The following DNAH11 variants were observed in gnomAD, a reference collection of about 807,000 sequenced individuals.
DNAH11 encodes the protein dynein axonemal heavy chain 11.
DNAH11 carries 442 observed loss-of-function variants against 526.0 expected under a neutral mutation model. The observed-to-expected ratio is 0.84, with a 90% confidence interval of 0.78 to 0.91. The LOEUF is 0.91. Ranked by LOEUF, DNAH11 falls within the 40% of genes least tolerant of loss-of-function variation. The pLI is 0.00. For missense variants in DNAH11, 6,989 were observed against 5,448.7 expected (o/e 1.28, Z -8.90); for synonymous variants, 2,461 against 1,935.9 (o/e 1.27, Z -7.12).
intron 30 of DNAH11, among the ~76,000 whole-genome samples, chr7:21,676,526 GAGAAGGTTTA>G (rs1404209576): frequency 6.6e-6 from 1 of 152,192 alleles, no homozygotes; most frequent in Non-Finnish European, 1.5e-5. Flanking sequence ...AGTATCATCA[GAGAAGGTTTA>G]ATCTTGATAC....
intron 28 of DNAH11, among the ~76,000 whole-genome samples, chr7:21,647,183 G>T (rs1583560107): frequency 6.6e-6 from 1 of 152,216 alleles, no homozygotes; most frequent in East Asian, 1.9e-4. Context: ...ACAGCCAAAA[G>T]TTCTCCAAAT....
In DNAH11 at chr7:21,789,848, C is replaced by A. The variant is rs868737413; in HGVS notation, c.10026+506C>A. ...TCTTTCTTTCTTTCTTTCTTTCTTT[C>A]TTTCTCTCTCCTTCCTTCCTTTTCT... is the stretch of plus-strand genomic sequence containing the variant. On this transcript the variant is annotated intron_variant, in intron 61 of 81. Transcript: ENST00000409508. Among the ~76,000 whole-genome samples the A allele has an allele frequency of 1.4e-3, 157 of 108,614 alleles. 1 individual carries two copies. The highest frequency in any genetic ancestry group is 4.6e-3 in the African/African-American group (150 of 32,644). 71.3% of individuals were successfully genotyped at this position (108,614 alleles called of 152,430 possible).
At chr7:21,893,745 C>A (rs1784410138) in intron 77 of DNAH11, among the ~76,000 whole-genome samples, 2 of 152,150 alleles carry the variant, frequency 1.3e-5, no homozygotes, top group South Asian at 4.1e-4. Context: ...GCAACAATTA[C>A]AGAAGATAGA....
intron 30 of DNAH11, among the ~76,000 whole-genome samples, chr7:21,671,643 A>G (rs1474081063): frequency 6.6e-6 from 1 of 151,674 alleles, no homozygotes; most frequent in Non-Finnish European, 1.5e-5. Flanking sequence ...AGCTTGTTTT[A>G]TATTTCACTT....
At chr7:21,623,960 T>A (rs1357872620) in intron 25 of DNAH11, among the ~76,000 whole-genome samples, 2 of 149,946 alleles carry the variant, frequency 1.3e-5, no homozygotes, top group African/African-American at 4.9e-5. Flanking sequence ...AAACTTAAAG[T>A]ATAATAATAA....
intron 65 of DNAH11, among the ~76,000 whole-genome samples, chr7:21,820,887 G>A (rs1321406463): frequency 2.6e-5 from 4 of 152,180 alleles, no homozygotes; most frequent in Admixed American, 1.3e-4. Flanking sequence ...CACACTGGAA[G>A]CAATGTGATC....
At chr7:21,629,764 G>A (rs1186341981) in intron 25 of DNAH11, among the ~76,000 whole-genome samples, 1 of 151,866 alleles carries the variant, frequency 6.6e-6, no homozygotes, top group South Asian at 2.1e-4. Flanking sequence ...GTTTCTAGTT[G>A]CATGGTATAT....
chr7:21,858,182 T>C (rs1782926619), intron 68 of DNAH11, among the ~76,000 whole-genome samples: 1 of 152,224 alleles, frequency 6.6e-6, no homozygotes, highest in Non-Finnish European at 1.5e-5. Context: ...GAATGAGGTC[T>C]TATTCTATGT....
chr7:21,564,220 G>A lies in DNAH11; in HGVS notation c.1017G>A (p.Leu339=), dbSNP rs773514488. ...LLEAQDVELY[L]RPLRRHIQCL... ...AAGCCCAAGATGTGGAACTTTACCT[G>A]AGACCTCTGAGGAGACACATCCAGT... Residue 339 remains leucine (L), a synonymous_variant, in exon 6 of 82, where the codon CTG becomes CTA. Transcript: ENST00000409508. 6.2e-7 allele frequency: 1 copy of A among 1,606,326 alleles called. No homozygotes were observed. Among genetic ancestry groups the A allele is most frequent in the Non-Finnish European group, 8.5e-7 (1 of 1,176,416 alleles).
At chr7:21,786,569 C>A (rs1262633410) in intron 58 of DNAH11, 55 bp from the exon 59 acceptor site, 1 of 1,535,804 alleles carries the variant, frequency 6.5e-7, no homozygotes, top group Middle Eastern at 2.1e-4. Context: ...TACAGAGCTT[C>A]TCCAGACTTC....
At chr7:21,643,034 C>T (rs576728932) in intron 28 of DNAH11, among the ~76,000 whole-genome samples, 1 of 152,274 alleles carries the variant, frequency 6.6e-6, no homozygotes, top group Admixed American at 6.5e-5. Context: ...ACAGGTGCTG[C>T]TTAACTTCAA....
At chr7:21,819,230 G>A (rs960442708) in intron 65 of DNAH11, among the ~76,000 whole-genome samples, 1 of 151,812 alleles carries the variant, frequency 6.6e-6, no homozygotes, top group East Asian at 1.9e-4. Flanking sequence ...TAACGCCCAC[G>A]CTCTGCCTCT....
intron 58 of DNAH11, among the ~76,000 whole-genome samples, chr7:21,786,294 A>G (rs964841598): frequency 9.0e-6 from 1 of 111,286 alleles, no homozygotes; most frequent in East Asian, 2.8e-4. Context: ...ATCTTACAAC[A>G]TATACACATG....
chr7:21,606,859 C>G (rs1382929256), intron 20 of DNAH11, 126 bp downstream of exon 20: 1 of 833,510 alleles, frequency 1.2e-6, no homozygotes, highest in Non-Finnish European at 1.9e-6. Context: ...TATTTAAAAC[C>G]CAGTTATAAG....
At chr7:21,645,779 T>C (rs1437706575) in intron 28 of DNAH11, among the ~76,000 whole-genome samples, 4 of 152,138 alleles carry the variant, frequency 2.6e-5, no homozygotes, top group African/African-American at 7.2e-5. Flanking sequence ...AAATTAGATA[T>C]CTACCATATC....
rs539005820 is a variant in DNAH11, at chr7:21,744,429, G to T, written c.8155-9G>T. 1.2e-6 allele frequency: 2 copies of T among 1,612,338 alleles called. No individual in the cohort carries two copies. The highest frequency in any genetic ancestry group is 4.5e-5 in the East Asian group (2 of 44,840). On this transcript the variant is annotated splice_polypyrimidine_tract_variant and intron_variant, in intron 49 of 81. Coordinates refer to ENST00000409508, the MANE Select transcript of DNAH11 (RefSeq NM_001277115.2). ...AATTAAAGGTATTTTCCCCATTCTT[G>T]CCTTGTAGGGGATTTTATTTGCTTC...
intron 65 of DNAH11, among the ~76,000 whole-genome samples, chr7:21,823,801 C>T (rs1790156237): frequency 6.6e-6 from 1 of 152,056 alleles, no homozygotes; most frequent in South Asian, 2.1e-4. Flanking sequence ...TTAAAAACAC[C>T]TTTCGAAATG....
chr7:21,789,808 T>TCTTTCTTTCTTTCTTCTTTCTTTCTTC, intron 61 of DNAH11, among the ~76,000 whole-genome samples: 5 of 34,084 alleles, frequency 1.5e-4, no homozygotes, highest in African/African-American at 4.0e-4. Flanking sequence ...TTTCTTTCTT[T>TCTTTCTTTCTTTCTTCTTTCTTTCTTC]TTTCTTTCTT....
intron 52 of DNAH11, 150 bp downstream of exon 52, chr7:21,748,892 A>ACG: frequency 1.4e-6 from 1 of 708,012 alleles, no homozygotes; most frequent in East Asian, 3.0e-5. Flanking sequence ...GCAGTAATTG[A>ACG]CCTTTGGCGG....
Sources: allele counts gnomAD v4.1 joint callset (sites outside exome capture counted in the v4.1 genomes callset), GRCh38; gene constraint gnomAD v4.1.1; transcripts MANE v1.5; gene names NCBI Gene and HGNC (gene_info 2026-07-23, HGNC 2026-07-21).